PLXDC2: variants seen among roughly 807,000 people sequenced by gnomAD.
PLXDC2 encodes plexin domain containing 2.
A neutral mutation model predicts 68.9 loss-of-function variants in PLXDC2; 40 were observed. That is an observed-to-expected ratio of 0.58 (90% CI 0.45 to 0.76). The LOEUF (loss-of-function observed/expected upper bound fraction) is 0.76, where lower values mean the gene tolerates loss of function less well. PLXDC2 is among the 30% of genes least tolerant of loss of function. The pLI, the probability that PLXDC2 is intolerant of heterozygous loss-of-function variation, is 0.00. For missense variants in PLXDC2, 644 were observed against 661.9 expected, an observed-to-expected ratio of 0.97 and a Z score of 0.30; for synonymous variants, 243 against 234.2, an observed-to-expected ratio of 1.04 and a Z score of -0.34.
intron 4 of PLXDC2, among the ~76,000 whole-genome samples, chr10:20,080,699 G>T (rs1227252194): frequency 6.6e-6 from 1 of 152,110 alleles, no homozygotes; most frequent in African/African-American, 2.4e-5. Context: ...TGACTCAAAT[G>T]TTAATCTTCT....
At chr10:19,938,338 A>G (rs1409338) in intron 1 of PLXDC2, among the ~76,000 whole-genome samples, 114,424 of 152,078 alleles carry the variant, frequency 0.75, 43,547 homozygotes, top group African/African-American at 0.87. Flanking sequence ...ATAAATACCT[A>G]AGACTGGCTA....
chr10:19,918,431 G>T (rs1833405733), intron 1 of PLXDC2, among the ~76,000 whole-genome samples: 1 of 152,192 alleles, frequency 6.6e-6, no homozygotes, highest in Admixed American at 6.5e-5. Flanking sequence ...ATTAAGGGAA[G>T]CTGTGAAAGG....
At chr10:20,125,998 A>G (rs1349388179) in intron 4 of PLXDC2, among the ~76,000 whole-genome samples, 1 of 148,472 alleles carries the variant, frequency 6.7e-6, no homozygotes, top group Non-Finnish European at 1.5e-5. Context: ...CATACACACA[A>G]CCTATTATAC....
At chr10:20,138,732 G>A (rs1430578284) in intron 4 of PLXDC2, among the ~76,000 whole-genome samples, 2 of 152,036 alleles carry the variant, frequency 1.3e-5, no homozygotes, top group East Asian at 3.9e-4. Flanking sequence ...AGCCAACATG[G>A]TGAAACCATG....
At chr10:20,128,357 T>C (rs1236407600) in intron 4 of PLXDC2, among the ~76,000 whole-genome samples, 1 of 152,208 alleles carries the variant, frequency 6.6e-6, no homozygotes, top group African/African-American at 2.4e-5. Context: ...TTGACTTTTT[T>C]TCAGCTTCAC....
At chr10:20,122,541 C>T (rs544188498) in intron 4 of PLXDC2, among the ~76,000 whole-genome samples, 6 of 152,292 alleles carry the variant, frequency 3.9e-5, no homozygotes, top group Admixed American at 6.5e-5. Context: ...AGTGGAGTCC[C>T]GCACAGATGG....
rs369046027 is a variant in PLXDC2, at chr10:20,049,590, GA to G, written c.471+2577del. ...ACAGCCACACCAAGAGTCAAATCGG[GA>G]AGGCAATCTCATTCACAATTGCCAC... is the stretch of plus-strand genomic sequence containing the variant. On this transcript the variant is annotated intron_variant, in intron 3 of 13. Transcript: ENST00000377252. Among the ~76,000 whole-genome samples the G allele has an allele frequency of 3.8e-3, 577 of 151,870 alleles. 8 individuals are homozygous for G. Among genetic ancestry groups the G allele is most frequent in the African/African-American group, 0.013 (541 of 41,450 alleles).
chr10:19,916,746 A>G (rs567301236), intron 1 of PLXDC2, among the ~76,000 whole-genome samples: 3 of 152,174 alleles, frequency 2.0e-5, no homozygotes, highest in Admixed American at 6.5e-5. Context: ...TGTGGATTAG[A>G]AATAAATATG....
chr10:20,060,504 A>G (rs1836082368), intron 3 of PLXDC2, among the ~76,000 whole-genome samples: 1 of 151,728 alleles, frequency 6.6e-6, no homozygotes, highest in Admixed American at 6.6e-5. Context: ...AAAAAAAAAA[A>G]AAAAAAGTCA....
At chr10:20,198,306 C>T (rs565938715) in intron 9 of PLXDC2, among the ~76,000 whole-genome samples, 134 of 152,196 alleles carry the variant, frequency 8.8e-4, no homozygotes, top group African/African-American at 3.1e-3. Flanking sequence ...TTGTTCTTTG[C>T]GTTTCACTCT....
chr10:20,100,828 T>G (rs145322614), intron 4 of PLXDC2, among the ~76,000 whole-genome samples: 2 of 152,130 alleles, frequency 1.3e-5, no homozygotes, highest in African/African-American at 4.8e-5. Flanking sequence ...TCATCTCAAT[T>G]GAGATGAAAA....
chr10:19,915,999 A>G (rs1430239067), intron 1 of PLXDC2, among the ~76,000 whole-genome samples: 1 of 151,974 alleles, frequency 6.6e-6, no homozygotes, highest in Non-Finnish European at 1.5e-5. Context: ...TGGTGCTTTC[A>G]TGTGTACCTC....
At chr10:20,160,679 G>C (rs1834278703) in intron 6 of PLXDC2, among the ~76,000 whole-genome samples, 1 of 151,934 alleles carries the variant, frequency 6.6e-6, no homozygotes, top group African/African-American at 2.4e-5. Flanking sequence ...CTAAATCTAG[G>C]TAATTTATGT....
intron 1 of PLXDC2, among the ~76,000 whole-genome samples, chr10:19,861,626 C>A (rs373785105): frequency 1.3e-5 from 2 of 152,284 alleles, no homozygotes; most frequent in South Asian, 2.1e-4. Flanking sequence ...TATTCCTATT[C>A]TTTTCATTCA....
At chr10:20,185,955 T>G (rs1279051237) in intron 9 of PLXDC2, among the ~76,000 whole-genome samples, 2 of 152,010 alleles carry the variant, frequency 1.3e-5, no homozygotes, top group Non-Finnish European at 2.9e-5. Flanking sequence ...AAACTTTTGT[T>G]GATCCAGGTT....
At chr10:20,102,156 A>T (rs1263126271) in intron 4 of PLXDC2, among the ~76,000 whole-genome samples, 2 of 152,154 alleles carry the variant, frequency 1.3e-5, no homozygotes, top group Non-Finnish European at 2.9e-5. Context: ...AGTGACTGCT[A>T]CCATTGTGGT....
intron 2 of PLXDC2, among the ~76,000 whole-genome samples, chr10:20,044,207 C>CTTTCTT (rs1409929525): frequency 7.8e-5 from 7 of 90,000 alleles, no homozygotes; most frequent in East Asian, 3.6e-4. Flanking sequence ...CTCTCTCTCT[C>CTTTCTT]TCTGTCTTTC....
At chr10:20,249,933 G>T (rs1431206484) in intron 13 of PLXDC2, among the ~76,000 whole-genome samples, 1 of 152,134 alleles carries the variant, frequency 6.6e-6, no homozygotes, top group Non-Finnish European at 1.5e-5. Context: ...ACTTGTATGA[G>T]TTAGTTCCTG....
At chr10:20,032,811 T>C (rs781051712) in intron 2 of PLXDC2, among the ~76,000 whole-genome samples, 1 of 151,918 alleles carries the variant, frequency 6.6e-6, no homozygotes, top group Non-Finnish European at 1.5e-5. Context: ...TTGGAAGGAT[T>C]AAATATATAA....
Sources: allele counts gnomAD v4.1 joint callset (sites outside exome capture counted in the v4.1 genomes callset), GRCh38; gene constraint gnomAD v4.1.1; transcripts MANE v1.5; gene names NCBI Gene and HGNC (gene_info 2026-07-23, HGNC 2026-07-21).